Variants in TMEM50A observed in about 807,000 individuals in gnomAD.
TMEM50A encodes the protein transmembrane protein 50A.
A neutral mutation model predicts 23.9 loss-of-function variants in TMEM50A; 8 were observed. The observed-to-expected ratio is 0.33, with a 90% CI of 0.20 to 0.60. The LOEUF (loss-of-function observed/expected upper bound fraction) is 0.60. Ranked by LOEUF, TMEM50A falls within the 20% of genes least tolerant of loss-of-function variation. The probability of loss-of-function intolerance (pLI) is 0.81; values close to 1 mark genes in which losing one functional copy is unlikely to be tolerated. For missense variants in TMEM50A, 178 were observed against 192.7 expected (o/e 0.92, Z 0.45); for synonymous variants, 55 against 60.4 (o/e 0.91, Z 0.41).
intron 3 of TMEM50A, among the ~76,000 whole-genome samples, chr1:25,350,199 C>CA (rs1335377298): frequency 1.3e-5 from 2 of 152,088 alleles, no homozygotes; most frequent in African/African-American, 4.8e-5. Flanking sequence ...AAAATTACTA[C>CA]AAAAAAATTT....
intron 1 of TMEM50A, among the ~76,000 whole-genome samples, chr1:25,339,950 T>A (rs1645149748): frequency 6.6e-6 from 1 of 152,216 alleles, no homozygotes; most frequent in African/African-American, 2.4e-5. Context: ...TTTATTATTA[T>A]TTTTGAGACA....
At chr1:25,360,348 CAAAA>C (rs766272933) in intron 6 of TMEM50A, among the ~76,000 whole-genome samples, 2 of 81,400 alleles carry the variant, frequency 2.5e-5, no homozygotes. Flanking sequence ...GACTCTGTCT[CAAAA>C]AAAAAAAAAA....
intron 3 of TMEM50A, among the ~76,000 whole-genome samples, chr1:25,349,617 A>G (rs896227946): frequency 1.3e-5 from 2 of 152,180 alleles, no homozygotes; most frequent in East Asian, 1.9e-4. Context: ...TAGGATTCCT[A>G]TATTCACTTT....
intron 3 of TMEM50A, among the ~76,000 whole-genome samples, chr1:25,344,726 T>G (rs907784781): frequency 6.6e-6 from 1 of 151,842 alleles, no homozygotes; most frequent in Non-Finnish European, 1.5e-5. Flanking sequence ...GTTTTTTGTT[T>G]TTTTTTGGTG....
intron 3 of TMEM50A, among the ~76,000 whole-genome samples, chr1:25,349,335 C>T (rs1645253957): frequency 6.6e-6 from 1 of 151,936 alleles, no homozygotes; most frequent in Non-Finnish European, 1.5e-5. Context: ...CCAAAGTGTC[C>T]CTAATAGTGA....
rs1254476968 is a variant in TMEM50A at position 25,338,349 on chromosome 1, T to C, written c.-121T>C. On this transcript the variant is annotated 5_prime_UTR_variant, in exon 1 of 7. Coordinates refer to ENST00000374358, the MANE Select transcript of TMEM50A (RefSeq NM_014313.4). ...GGTGGATGGTACTGCTGCATCCGGGTGTCTGGAGGCTGTGGCCGTTTTGTT... is the reference window on the plus strand; with the variant it reads ...GGTGGATGGTACTGCTGCATCCGGGCGTCTGGAGGCTGTGGCCGTTTTGTT... The C allele has an allele frequency of 6.6e-6, 1 of 152,238 alleles. No individual in the cohort carries two copies. The highest frequency in any genetic ancestry group is 2.4e-5 in the African/African-American group (1 of 41,364). The allele number at this position is 152,238 out of a possible 1,614,324, so 9.4% of individuals were successfully genotyped here.
chr1:25,351,341 C>G (rs1645273307), intron 3 of TMEM50A, among the ~76,000 whole-genome samples: 1 of 151,998 alleles, frequency 6.6e-6, no homozygotes, highest in African/African-American at 2.4e-5. Flanking sequence ...GACTTTGTCT[C>G]TACAAAAATT....
Position 25,343,060 on chromosome 1 carries a change from A to G in TMEM50A, c.193A>G (p.Ile65Val). The stretch of plus-strand genomic sequence containing the variant: ...CCATGCCTGTGGTGTTATAGCAACC[A>G]TAGCCTTCCTAATGTAAGTGTCATC... ...SYHACGVIAT[I>V]AFLMINAVSN... The change falls in exon 3 of 7, where the codon ATA becomes GTA. Residue 65 changes from isoleucine (I) to valine (V), a missense_variant. Transcript: ENST00000374358. The G allele has an allele frequency of 1.1e-5, 17 of 1,610,292 alleles. No homozygotes were observed. Among genetic ancestry groups the G allele is most frequent in the Non-Finnish European group, 1.4e-5 (16 of 1,178,702 alleles).
chr1:25,341,536 G>A (rs972566290), intron 2 of TMEM50A, among the ~76,000 whole-genome samples: 2 of 152,066 alleles, frequency 1.3e-5, no homozygotes, highest in Non-Finnish European at 2.9e-5. Flanking sequence ...GTGAGCCACC[G>A]CGCCTGGCCT....
At chr1:25,348,607 C>T (rs1645243485) in intron 3 of TMEM50A, among the ~76,000 whole-genome samples, 1 of 151,728 alleles carries the variant, frequency 6.6e-6, no homozygotes, top group Admixed American at 6.6e-5. Context: ...ATCGCTTGAA[C>T]CCGGGAGGTG....
Position 25,361,569 on chromosome 1 carries a change from A to G in TMEM50A, c.*864A>G, listed in dbSNP as rs1234979961. ...ACCAGCACGGTCAACTAGAATGACAAACATTAGCTACTGGGAACTCTTGTT... is the reference window on the plus strand; with the variant it reads ...ACCAGCACGGTCAACTAGAATGACAGACATTAGCTACTGGGAACTCTTGTT... On this transcript the variant is annotated 3_prime_UTR_variant, in exon 7 of 7. Transcript: ENST00000374358. 3 of 152,356 alleles carry G rather than the reference A, an allele frequency of 2.0e-5. No individual in the cohort carries two copies. The highest frequency in any genetic ancestry group is 4.4e-5 in the Non-Finnish European group (3 of 68,158). The allele number at this position is 152,356 out of a possible 1,614,324, so 9.4% of individuals were successfully genotyped here. A position where few individuals can be genotyped will look rare whatever the true frequency, so the allele number is the denominator to read the frequency against.
At chr1:25,351,286 T>G (rs1421160583) in intron 3 of TMEM50A, among the ~76,000 whole-genome samples, 2 of 151,846 alleles carry the variant, frequency 1.3e-5, no homozygotes, top group African/African-American at 4.8e-5. Context: ...GCAAGGAGGA[T>G]CTCTTGAGGC....
chr1:25,351,803 CTTA>C, intron 4 of TMEM50A, 110 bp downstream of exon 4: 2 of 890,952 alleles, frequency 2.2e-6, no homozygotes, highest in South Asian at 1.8e-5. Context: ...TGAGTAACAG[CTTA>C]TTATTTTGAA....
chr1:25,360,573 G>T, intron 6 of TMEM50A, 87 bp from the exon 7 acceptor site: 1 of 1,454,438 alleles, frequency 6.9e-7, no homozygotes, highest in Middle Eastern at 2.0e-4. Context: ...ATTATTCTTC[G>T]TTGTTTGTTT....
chr1:25,348,813 A>G (rs1350635586), intron 3 of TMEM50A, among the ~76,000 whole-genome samples: 1 of 152,132 alleles, frequency 6.6e-6, no homozygotes, highest in Non-Finnish European at 1.5e-5. Context: ...ACACACATCT[A>G]TATGTTTTAA....
intron 1 of TMEM50A, among the ~76,000 whole-genome samples, chr1:25,339,496 TAATG>T (rs977341799): frequency 1.4e-4 from 22 of 152,008 alleles, no homozygotes; most frequent in African/African-American, 4.8e-4. Context: ...GAAAGAAAAA[TAATG>T]AATGAAGTGA....
intron 1 of TMEM50A, among the ~76,000 whole-genome samples, chr1:25,339,725 T>A (rs775413666): frequency 2.0e-5 from 3 of 152,196 alleles, no homozygotes; most frequent in Non-Finnish European, 4.4e-5. Context: ...TTAATAAGTT[T>A]GGAATCAAAA....
intron 3 of TMEM50A, among the ~76,000 whole-genome samples, chr1:25,350,737 C>T (rs1173380451): frequency 6.6e-6 from 1 of 152,088 alleles, no homozygotes; most frequent in East Asian, 1.9e-4. Context: ...CTTGTTAAAA[C>T]TCAGATTTCT....
chr1:25,338,956 T>G (rs1645134697), intron 1 of TMEM50A: 1 of 152,058 alleles, frequency 6.6e-6, no homozygotes, highest in East Asian at 1.9e-4. Flanking sequence ...GAACCGAAAA[T>G]AACACTTATT....
Sources: allele counts gnomAD v4.1 joint callset (sites outside exome capture counted in the v4.1 genomes callset), GRCh38; gene constraint gnomAD v4.1.1; transcripts MANE v1.5; gene names NCBI Gene and HGNC (gene_info 2026-07-23, HGNC 2026-07-21).